The following GDPD4 variants were observed in gnomAD, a reference collection of about 807,000 sequenced individuals.
The protein encoded by GDPD4 is glycerophosphodiester phosphodiesterase domain containing 4.
GDPD4 carries 60 observed loss-of-function variants against 67.8 expected under a neutral mutation model. The observed-to-expected ratio is 0.88, with a 90% CI of 0.72 to 1.10. GDPD4 has a LOEUF of 1.10. Among genes scored for constraint, GDPD4 ranks in the 50% least tolerant of loss-of-function variants. GDPD4 has a pLI of 0.00. For synonymous variants in GDPD4, 212 were observed against 210.9 expected (o/e 1.00, Z -0.04); for missense variants, 623 against 613.9 (o/e 1.01, Z -0.16).
At chr11:77,218,635 C>T (rs773953999) in intron 16 of GDPD4, among the ~76,000 whole-genome samples, 12 of 152,206 alleles carry the variant, frequency 7.9e-5, no homozygotes, top group Middle Eastern at 3.4e-3. Flanking sequence ...TGAGAACATG[C>T]GGTGTTTGGT....
Position 77,283,851 on chromosome 11 carries a change from A to ATTT in GDPD4, c.53+1231_53+1233dup, listed in dbSNP as rs71272229. On this transcript the variant is annotated intron_variant, in intron 3 of 16. Transcript: ENST00000315938. ...AGTACTTTGGCAACAGACATAATGA[A>ATTT]TTTTTTTTTTTTTTTTTTTTTTGAG... 5.5e-4 allele frequency among the ~76,000 whole-genome samples: 68 copies of ATTT among 124,518 alleles called. 1 individual carries two copies. The highest frequency in any genetic ancestry group is 7.9e-4 in the Non-Finnish European group (47 of 59,410). The allele number at this position is 124,518 out of a possible 152,430, so 81.7% of individuals were successfully genotyped here. A position where few individuals can be genotyped will look rare whatever the true frequency, so the allele number is the denominator to read the frequency against.
chr11:77,223,606 C>T (rs759470486), intron 16 of GDPD4, among the ~76,000 whole-genome samples: 3 of 152,264 alleles, frequency 2.0e-5, no homozygotes, highest in South Asian at 2.1e-4. Flanking sequence ...ACCTGTCAGT[C>T]GGCCTCTACT....
intron 16 of GDPD4, among the ~76,000 whole-genome samples, chr11:77,226,884 T>C (rs1331156569): frequency 6.6e-6 from 1 of 152,222 alleles, no homozygotes; most frequent in Non-Finnish European, 1.5e-5. Context: ...ACTTAGTTTT[T>C]CATGATCCCT....
At chr11:77,297,766 A>T (rs1938026071) in intron 1 of GDPD4, among the ~76,000 whole-genome samples, 1 of 151,928 alleles carries the variant, frequency 6.6e-6, no homozygotes, top group Non-Finnish European at 1.5e-5. Context: ...CTGTAAACTG[A>T]ATGTTGGCTT....
chr11:77,231,684 G>A (rs1017376998), intron 14 of GDPD4, among the ~76,000 whole-genome samples: 5 of 152,176 alleles, frequency 3.3e-5, no homozygotes, highest in Non-Finnish European at 7.3e-5. Context: ...ACCTCCCAAA[G>A]GGACAACTTT....
intron 1 of GDPD4, among the ~76,000 whole-genome samples, chr11:77,297,808 CTT>C (rs1938027129): frequency 2.0e-5 from 3 of 152,190 alleles, no homozygotes; most frequent in African/African-American, 7.2e-5. Flanking sequence ...ATTCAGCACA[CTT>C]TGAGCACTCA....
chr11:77,240,672 AAACAATC>A (rs1958645470), intron 13 of GDPD4, among the ~76,000 whole-genome samples: 1 of 152,204 alleles, frequency 6.6e-6, no homozygotes, highest in Non-Finnish European at 1.5e-5. Flanking sequence ...ACAGCAAAGG[AAACAATC>A]AACAGAGTGA....
Position 77,250,188 on chromosome 11 carries a change from C to A in GDPD4, c.865-4686G>T, listed in dbSNP as rs1958862900. Among the ~76,000 whole-genome samples the A allele has an allele frequency of 2.6e-5, 4 of 152,248 alleles. No individual in the cohort carries two copies. The South Asian group carries it at 8.3e-4, about 32-fold the overall frequency. On this transcript the variant is annotated intron_variant, in intron 11 of 16. Coordinates refer to ENST00000315938, the MANE Select transcript of GDPD4 (RefSeq NM_182833.3). The stretch of plus-strand genomic sequence containing the variant: ...CTGAGATTTGAAGTATGAATGAACT[C>A]ATCACTCAGGTACTAAGCTCAGTAC...
intron 16 of GDPD4, among the ~76,000 whole-genome samples, chr11:77,219,146 G>A (rs1194869631): frequency 3.9e-5 from 6 of 152,212 alleles, no homozygotes; most frequent in African/African-American, 1.2e-4. Context: ...GATCAGTGAC[G>A]ATGAGCATTT....
At chr11:77,235,007 C>CTTTTTTTTT (rs1406558580) in intron 13 of GDPD4, among the ~76,000 whole-genome samples, 3 of 32,916 alleles carry the variant, frequency 9.1e-5, no homozygotes, top group Admixed American at 4.0e-4. Context: ...TTGTCAATAT[C>CTTTTTTTTT]TGTTTTTTTT....
At chr11:77,225,801 A>G (rs756611257) in intron 16 of GDPD4, among the ~76,000 whole-genome samples, 73 of 152,294 alleles carry the variant, frequency 4.8e-4, no homozygotes, top group Non-Finnish European at 9.0e-4. Flanking sequence ...GGGGCAACAC[A>G]TGGCACTCCG....
chr11:77,271,067 T>A, intron 7 of GDPD4, 63 bp downstream of exon 7: 1 of 1,110,650 alleles, frequency 9.0e-7, no homozygotes, highest in South Asian at 1.3e-5. Context: ...TTTTCCTGAG[T>A]GGAGTATGCA....
intron 10 of GDPD4, among the ~76,000 whole-genome samples, chr11:77,260,365 G>A (rs1565528731): frequency 1.3e-5 from 2 of 151,852 alleles, no homozygotes; most frequent in Non-Finnish European, 2.9e-5. Context: ...TGGCCTTAGA[G>A]CCACTTTAGA....
At chr11:77,276,826 C>T (rs930778362) in intron 4 of GDPD4, among the ~76,000 whole-genome samples, 15 of 152,004 alleles carry the variant, frequency 9.9e-5, no homozygotes, top group African/African-American at 3.6e-4. Context: ...AGGCACTTAC[C>T]TCTTTATCAA....
At chr11:77,278,573 T>C (rs1959599359) in intron 4 of GDPD4, among the ~76,000 whole-genome samples, 2 of 152,232 alleles carry the variant, frequency 1.3e-5, no homozygotes, top group South Asian at 4.1e-4. Flanking sequence ...TTAATAAGTT[T>C]TGTTGAAAGA....
intron 12 of GDPD4, 62 bp from the exon 13 acceptor site, chr11:77,243,910 A>G (rs1958727750): frequency 1.7e-6 from 2 of 1,189,336 alleles, no homozygotes; most frequent in Non-Finnish European, 2.5e-6. Flanking sequence ...GAACAGCCCC[A>G]TAGAGAATGG....
chr11:77,280,658 A>T (rs1293634136), intron 3 of GDPD4, among the ~76,000 whole-genome samples: 1 of 152,176 alleles, frequency 6.6e-6, no homozygotes, highest in African/African-American at 2.4e-5. Context: ...TCACATGTAA[A>T]TATTACTATT....
At chr11:77,243,319 G>A (rs1165848350) in intron 13 of GDPD4, among the ~76,000 whole-genome samples, 1 of 152,078 alleles carries the variant, frequency 6.6e-6, no homozygotes, top group Non-Finnish European at 1.5e-5. Flanking sequence ...CATTTACAAG[G>A]TACTGCCATC....
Position 77,216,666 on chromosome 11 carries a change from C to T in GDPD4, c.*611G>A, listed in dbSNP as rs532495679. Reference sequence around the variant, plus strand: ...GACAGCAACCAGTTCCAAGACCACACACAGCAGTTTTCCCCTTGCCTAGCC... The same window carrying T: ...GACAGCAACCAGTTCCAAGACCACATACAGCAGTTTTCCCCTTGCCTAGCC... On this transcript the variant is annotated 3_prime_UTR_variant, in exon 17 of 17. Coordinates refer to ENST00000315938, the MANE Select transcript of GDPD4 (RefSeq NM_182833.3). 172 of 509,166 alleles carry T rather than the reference C, an allele frequency of 3.4e-4. No individual in the cohort carries two copies. Among genetic ancestry groups the T allele is most frequent in the Non-Finnish European group, 5.6e-4 (159 of 284,478 alleles). 31.5% of individuals were successfully genotyped at this position (509,166 alleles called of 1,614,324 possible).
Sources: allele counts gnomAD v4.1 joint callset (sites outside exome capture counted in the v4.1 genomes callset), GRCh38; gene constraint gnomAD v4.1.1; transcripts MANE v1.5; gene names NCBI Gene and HGNC (gene_info 2026-07-23, HGNC 2026-07-21).